GPRIN3: variants seen among roughly 807,000 people sequenced by gnomAD.
GPRIN3 encodes the protein GPRIN family member 3, also known as G protein-regulated inducer of neurite outgrowth 3.
Under a neutral mutation model 13.7 loss-of-function variants are expected in GPRIN3, and 12 were observed. That is an observed-to-expected ratio of 0.87 (90% CI 0.56 to 1.42). GPRIN3 has a LOEUF of 1.42. Ranked by LOEUF, GPRIN3 falls within the 40% of genes most tolerant of loss-of-function variation. The pLI is 0.00. For synonymous variants in GPRIN3, 377 were observed against 372.7 expected, an observed-to-expected ratio of 1.01 and a Z score of -0.13; for missense variants, 1,009 against 958.7, an observed-to-expected ratio of 1.05 and a Z score of -0.69.
intron 1 of GPRIN3, among the ~76,000 whole-genome samples, chr4:89,291,237 C>G (rs1055288340): frequency 6.6e-6 from 1 of 151,718 alleles, no homozygotes; most frequent in Non-Finnish European, 1.5e-5. Flanking sequence ...TTTTGGTGTA[C>G]AGGTCTGAGT....
intron 1 of GPRIN3, among the ~76,000 whole-genome samples, chr4:89,303,207 T>C (rs1182498502): frequency 1.3e-5 from 2 of 152,252 alleles, no homozygotes; most frequent in East Asian, 3.8e-4. Context: ...ATAGAGCAAC[T>C]GACGAAAAGA....
rs1257277176 is a variant in GPRIN3 at position 89,249,115 on chromosome 4, G to A, written c.996C>T (p.Ser332=). ...VQAVASVESR[S]VSTSPSILTA... is the part of the protein sequence containing the mutation. ...TGAGGATACTGGGGCTGGTGGAGAC[G>A]GATCTGCTCTCGACACTCGCCACTG... Residue 332 remains serine (S), a synonymous_variant, in exon 2 of 2, where the codon TCC becomes TCT. Coordinates refer to ENST00000609438, the MANE Select transcript of GPRIN3 (RefSeq NM_198281.3). 24 of 1,614,042 alleles carry A rather than the reference G, an allele frequency of 1.5e-5. No individual in the cohort carries two copies. The highest frequency in any genetic ancestry group is 1.6e-4 in the Middle Eastern group (1 of 6,082).
chr4:89,304,433 T>C (rs981840339), intron 1 of GPRIN3, among the ~76,000 whole-genome samples: 5 of 152,144 alleles, frequency 3.3e-5, no homozygotes, highest in African/African-American at 1.2e-4. Flanking sequence ...TATATATATT[T>C]AAGGAATTTC....
intron 1 of GPRIN3, among the ~76,000 whole-genome samples, chr4:89,260,113 G>T (rs1371249574): frequency 6.6e-6 from 1 of 152,154 alleles, no homozygotes; most frequent in Non-Finnish European, 1.5e-5. Context: ...GGCCCTACTT[G>T]GGTCTTTAAT....
chr4:89,285,062 C>A (rs1259554629), intron 1 of GPRIN3, among the ~76,000 whole-genome samples: 3 of 152,052 alleles, frequency 2.0e-5, no homozygotes, highest in African/African-American at 7.3e-5. Flanking sequence ...AGAGGAGTGA[C>A]TCAGCTCAAG....
intron 1 of GPRIN3, among the ~76,000 whole-genome samples, chr4:89,292,585 TAA>T (rs1561227312): frequency 2.0e-5 from 3 of 152,166 alleles, no homozygotes; most frequent in African/African-American, 7.2e-5. Flanking sequence ...GGGTCACTGA[TAA>T]AGACTCAAAG....
At chr4:89,288,217 A>T (rs1724475386) in intron 1 of GPRIN3, among the ~76,000 whole-genome samples, 1 of 152,204 alleles carries the variant, frequency 6.6e-6, no homozygotes, top group Non-Finnish European at 1.5e-5. Flanking sequence ...TTGAGAAAAG[A>T]CATGTGATCC....
chr4:89,270,590 T>TATAA (rs1315177441), intron 1 of GPRIN3, among the ~76,000 whole-genome samples: 1 of 129,930 alleles, frequency 7.7e-6, no homozygotes, highest in Non-Finnish European at 1.6e-5. Context: ...TATATATATA[T>TATAA]ATATATATAT....
chr4:89,301,676 T>C (rs1724901889), intron 1 of GPRIN3, among the ~76,000 whole-genome samples: 1 of 152,250 alleles, frequency 6.6e-6, no homozygotes, highest in African/African-American at 2.4e-5. Flanking sequence ...AGCATCTGAT[T>C]ATTCTTCATA....
intron 1 of GPRIN3, among the ~76,000 whole-genome samples, chr4:89,296,181 G>T (rs965704638): frequency 1.3e-5 from 2 of 151,970 alleles, no homozygotes; most frequent in African/African-American, 4.8e-5. Flanking sequence ...GACATGAGGT[G>T]GTAAAGACAT....
chr4:89,287,034 C>A (rs1385236323), intron 1 of GPRIN3, among the ~76,000 whole-genome samples: 1 of 152,182 alleles, frequency 6.6e-6, no homozygotes, highest in African/African-American at 2.4e-5. Context: ...GCCTCAGAAT[C>A]TTGAGGAATT....
rs1202794631 is a variant in GPRIN3 at position 89,267,767 on chromosome 4, T to C, written c.-123-17534A>G. Reference sequence around the variant, plus strand: ...TGCATTTGAGTTGGACTTTAAATGATAGGGAAGATTTCAACTGTACAGGAG... The same window carrying C: ...TGCATTTGAGTTGGACTTTAAATGACAGGGAAGATTTCAACTGTACAGGAG... On this transcript the variant is annotated intron_variant, in intron 1 of 1. Coordinates refer to ENST00000609438, the MANE Select transcript of GPRIN3 (RefSeq NM_198281.3). Among the ~76,000 whole-genome samples, 3 of 152,306 alleles carry C rather than the reference T, an allele frequency of 2.0e-5. No individual in the cohort carries two copies. The East Asian group carries it at 5.8e-4, about 29-fold the overall frequency.
At chr4:89,285,259 G>A (rs1359520485) in intron 1 of GPRIN3, among the ~76,000 whole-genome samples, 2 of 151,996 alleles carry the variant, frequency 1.3e-5, no homozygotes, top group African/African-American at 2.4e-5. Flanking sequence ...TAATGTAAAT[G>A]ATGGGTGCAG....
At chr4:89,250,294 C>T in intron 1 of GPRIN3, 61 bp from the exon 2 acceptor site, 1 of 1,232,250 alleles carries the variant, frequency 8.1e-7, no homozygotes, top group Non-Finnish European at 1.1e-6. Flanking sequence ...GAAAAATAAA[C>T]CAAACTGTCG....
rs1429248294 is a variant in GPRIN3, at chr4:89,244,415, T to C, written c.*3365A>G. 2 of 152,202 alleles carry C rather than the reference T, an allele frequency of 1.3e-5. No individual in the cohort carries two copies. Among genetic ancestry groups the C allele is most frequent in the African/African-American group, 4.8e-5 (2 of 41,466 alleles). 9.4% of individuals were successfully genotyped at this position (152,202 alleles called of 1,614,324 possible). A position where few individuals can be genotyped will look rare whatever the true frequency, so the allele number is the denominator to read the frequency against. ...AAATTACATTCAATATAGGTGAACTTATCAAGGCAGGAAACATACTAACAC... is the reference window on the plus strand; with the variant it reads ...AAATTACATTCAATATAGGTGAACTCATCAAGGCAGGAAACATACTAACAC... On this transcript the variant is annotated 3_prime_UTR_variant, in exon 2 of 2. Transcript: ENST00000609438.
intron 1 of GPRIN3, among the ~76,000 whole-genome samples, chr4:89,253,206 G>A (rs1482459247): frequency 6.6e-6 from 1 of 152,164 alleles, no homozygotes; most frequent in Non-Finnish European, 1.5e-5. Context: ...AGGACACAGT[G>A]CAGGGTCTTG....
intron 1 of GPRIN3, among the ~76,000 whole-genome samples, chr4:89,304,402 GCA>G (rs34371395): frequency 6.6e-6 from 1 of 150,956 alleles, no homozygotes; most frequent in Non-Finnish European, 1.5e-5. Context: ...ATGCAGGCTT[GCA>G]CACACACACA....
chr4:89,279,889 T>G (rs1221046068), intron 1 of GPRIN3, among the ~76,000 whole-genome samples: 3 of 152,212 alleles, frequency 2.0e-5, no homozygotes, highest in Non-Finnish European at 4.4e-5. Flanking sequence ...ACTTATATGT[T>G]CATAAATCTG....
chr4:89,270,228 G>C (rs573088620), intron 1 of GPRIN3, among the ~76,000 whole-genome samples: 1 of 152,022 alleles, frequency 6.6e-6, no homozygotes, highest in East Asian at 1.9e-4. Context: ...AGCTTCTCAG[G>C]AATGAAGATG....
Sources: allele counts gnomAD v4.1 joint callset (sites outside exome capture counted in the v4.1 genomes callset), GRCh38; gene constraint gnomAD v4.1.1; transcripts MANE v1.5; gene names NCBI Gene and HGNC (gene_info 2026-07-23, HGNC 2026-07-21).